The following FLRT2 variants were observed in gnomAD, a reference collection of about 807,000 sequenced individuals.
FLRT2 encodes the protein leucine-rich repeat transmembrane protein FLRT2.
A neutral mutation model predicts 40.0 loss-of-function variants in FLRT2; 15 were observed. The observed-to-expected ratio is 0.38, with a 90% CI of 0.25 to 0.58. The LOEUF is 0.58. FLRT2 is among the 20% of genes least tolerant of loss of function. The pLI is 0.71. For synonymous variants in FLRT2, 380 were observed against 336.8 expected (o/e 1.13, Z -1.41); for missense variants, 726 against 840.0 (o/e 0.86, Z 1.68).
Position 85,645,781 on chromosome 14 carries a change from A to G in FLRT2, c.*22284A>G, listed in dbSNP as rs1894284769. 6.6e-6 allele frequency: 1 copy of G among 152,122 alleles called. No individual in the cohort carries two copies. The highest frequency in any genetic ancestry group is 1.5e-5 in the Non-Finnish European group (1 of 68,020). The allele number at this position is 152,122 out of a possible 1,614,324, so 9.4% of individuals were successfully genotyped here. A position where few individuals can be genotyped will look rare whatever the true frequency, so the allele number is the denominator to read the frequency against. On this transcript the variant is annotated 3_prime_UTR_variant, in exon 2 of 2. Transcript: ENST00000330753. The stretch of plus-strand genomic sequence containing the variant: ...TCACGTCTTGCTCAATGACTTCATG[A>G]ATGAAAAGTTTATGATAGCAAAGAT...
At chr14:85,564,205 T>C (rs1217438565) in intron 1 of FLRT2, among the ~76,000 whole-genome samples, 2 of 152,224 alleles carry the variant, frequency 1.3e-5, no homozygotes, top group Non-Finnish European at 2.9e-5. Context: ...CAAATGGCAT[T>C]GTTTTCTCAT....
chr14:85,604,760 C>T (rs1892532847), intron 1 of FLRT2, among the ~76,000 whole-genome samples: 1 of 152,052 alleles, frequency 6.6e-6, no homozygotes. Context: ...AGCTGTAGTT[C>T]AGAGCAGTGC....
At chr14:85,570,598 T>C (rs1221110916) in intron 1 of FLRT2, among the ~76,000 whole-genome samples, 1 of 145,720 alleles carries the variant, frequency 6.9e-6, no homozygotes, top group Non-Finnish European at 1.5e-5. Context: ...TATTTATTTA[T>C]TGAGACAGAA....
intron 1 of FLRT2, among the ~76,000 whole-genome samples, chr14:85,536,341 T>C (rs1888657257): frequency 6.6e-6 from 1 of 152,148 alleles, no homozygotes; most frequent in Non-Finnish European, 1.5e-5. Context: ...TCTTGAGCTT[T>C]GTACTTTACA....
chr14:85,577,457 T>C (rs1438338302), intron 1 of FLRT2, among the ~76,000 whole-genome samples: 1 of 152,148 alleles, frequency 6.6e-6, no homozygotes, highest in African/African-American at 2.4e-5. Context: ...AGGAGATGCA[T>C]GGATTTTTGT....
intron 1 of FLRT2, among the ~76,000 whole-genome samples, chr14:85,565,659 C>A (rs116458189): frequency 1.3e-5 from 2 of 151,994 alleles, no homozygotes; most frequent in Non-Finnish European, 2.9e-5. Context: ...AAATACACAT[C>A]GTTAGCTTTT....
At chr14:85,537,522 G>A (rs1594985179) in intron 1 of FLRT2, among the ~76,000 whole-genome samples, 2 of 151,708 alleles carry the variant, frequency 1.3e-5, no homozygotes, top group South Asian at 2.1e-4. Context: ...ACTACATGTC[G>A]CGAATTGACG....
intron 1 of FLRT2, among the ~76,000 whole-genome samples, chr14:85,589,599 A>G (rs1389984911): frequency 6.6e-6 from 1 of 152,130 alleles, no homozygotes; most frequent in Admixed American, 6.5e-5. Context: ...TTTGCTGTGC[A>G]GAAGCTTTTT....
chr14:85,611,915 A>AACGT (rs1252817410), intron 1 of FLRT2, among the ~76,000 whole-genome samples: 3 of 94,824 alleles, frequency 3.2e-5, no homozygotes, highest in Non-Finnish European at 2.4e-5. Context: ...CGTGCGCGAA[A>AACGT]GCGTGTGTGT....
intron 1 of FLRT2, among the ~76,000 whole-genome samples, chr14:85,614,357 G>A (rs1893027124): frequency 7.7e-6 from 1 of 129,268 alleles, no homozygotes; most frequent in Admixed American, 8.8e-5. Context: ...AAGCACAGCT[G>A]ATTATCCCCT....
chr14:85,650,021 A>G lies in FLRT2; in HGVS notation c.*26524A>G, dbSNP rs1483032744. On this transcript the variant is annotated 3_prime_UTR_variant, in exon 2 of 2. Coordinates refer to ENST00000330753, the MANE Select transcript of FLRT2 (RefSeq NM_013231.6). ...CATCAACCAGCTTTGTCTGAAATTA[A>G]TATCATCCTAAATTTGCTTCATTGC... 8 of 152,004 alleles carry G rather than the reference A, an allele frequency of 5.3e-5. No individual in the cohort carries two copies. Among genetic ancestry groups the G allele is most frequent in the Non-Finnish European group, 1.0e-4 (7 of 67,914 alleles). The allele number at this position is 152,004 out of a possible 1,614,324, so 9.4% of individuals were successfully genotyped here.
chr14:85,546,376 C>T (rs1192825530), intron 1 of FLRT2, among the ~76,000 whole-genome samples: 1 of 152,168 alleles, frequency 6.6e-6, no homozygotes, highest in Non-Finnish European at 1.5e-5. Context: ...ACCATCTGCT[C>T]ATTATCTGTC....
intron 1 of FLRT2, among the ~76,000 whole-genome samples, chr14:85,583,729 A>G (rs1258694711): frequency 1.3e-5 from 2 of 152,204 alleles, no homozygotes; most frequent in Admixed American, 1.3e-4. Flanking sequence ...GCCATGCCCT[A>G]GAAAGAGCAG....
chr14:85,611,046 G>T (rs1439772932), intron 1 of FLRT2, among the ~76,000 whole-genome samples: 1 of 151,968 alleles, frequency 6.6e-6, no homozygotes, highest in Non-Finnish European at 1.5e-5. Context: ...CAGGCACCTG[G>T]CACCACACCC....
At chr14:85,568,493 G>T (rs1010839392) in intron 1 of FLRT2, among the ~76,000 whole-genome samples, 5 of 152,288 alleles carry the variant, frequency 3.3e-5, no homozygotes, top group Non-Finnish European at 7.4e-5. Context: ...GGTATAACCT[G>T]CAGTTGGGGA....
chr14:85,533,005 G>C (rs998995976), intron 1 of FLRT2, among the ~76,000 whole-genome samples: 5 of 152,160 alleles, frequency 3.3e-5, no homozygotes, highest in African/African-American at 1.2e-4. Context: ...GCATCTGCCG[G>C]GTTAGCCAGG....
chr14:85,618,207 A>G (rs149023109), intron 1 of FLRT2, among the ~76,000 whole-genome samples: 12 of 152,276 alleles, frequency 7.9e-5, no homozygotes, highest in African/African-American at 2.9e-4. Context: ...ATCCTCAAGT[A>G]TTGATTTGTT....
Position 85,621,954 on chromosome 14 carries a change from C to A in FLRT2, c.440C>A (p.Thr147Lys). ...CACCTGGATGACAACTCCATATCCA[C>A]AGTGGGGGTGGAAGACGGGGCCTTC... ...ELHLDDNSIS[T>K]VGVEDGAFRE... The change falls in exon 2 of 2, where the codon ACA becomes AAA. Residue 147 changes from threonine (T) to lysine (K), a missense_variant. Physicochemically the swap from Thr to Lys is moderately conservative, Grantham distance 78. Around this residue, in one of 3 missense-constraint regions of FLRT2, gnomAD observed 611 missense variants for 690.0 expected, o/e 0.89. Coordinates refer to ENST00000330753, the MANE Select transcript of FLRT2 (RefSeq NM_013231.6). 6.2e-7 allele frequency: 1 copy of A among 1,601,212 alleles called. No individual in the cohort carries two copies. Among genetic ancestry groups the A allele is most frequent in the Non-Finnish European group, 8.5e-7 (1 of 1,173,664 alleles).
chr14:85,570,178 G>A (rs1052766636), intron 1 of FLRT2, among the ~76,000 whole-genome samples: 3 of 152,084 alleles, frequency 2.0e-5, no homozygotes, highest in African/African-American at 4.8e-5. Context: ...AATGTTCTCT[G>A]GTTCCTTGTC....
Sources: allele counts gnomAD v4.1 joint callset (sites outside exome capture counted in the v4.1 genomes callset), GRCh38; gene constraint gnomAD v4.1.1; regional missense constraint gnomAD v4.1.1; transcripts MANE v1.5; gene names NCBI Gene and HGNC (gene_info 2026-07-23, HGNC 2026-07-21).